The following ANK2 variants were observed in gnomAD, a reference collection of about 807,000 sequenced individuals.
ANK2 encodes ankyrin 2.
In ANK2, 83 loss-of-function variants were observed where a neutral mutation model predicts 360.5. The ratio of observed to expected loss-of-function variants is 0.23; its 90% CI spans 0.19 to 0.28. The LOEUF is 0.28. Among genes scored for constraint, ANK2 ranks in the 10% least tolerant of loss-of-function variants. The pLI is 1.00. For missense variants in ANK2, 4,201 were observed against 4,795.7 expected, an observed-to-expected ratio of 0.88 and a Z score of 3.66; for synonymous variants, 1,740 against 1,759.5, an observed-to-expected ratio of 0.99 and a Z score of 0.28.
At chr4:113,025,783 T>C (rs1325799341) in intron 2 of ANK2, among the ~76,000 whole-genome samples, 1 of 152,102 alleles carries the variant, frequency 6.6e-6, no homozygotes, top group African/African-American at 2.4e-5. Flanking sequence ...AGATCAGAAA[T>C]TGTTTTGTGA....
chr4:113,001,043 A>G (rs576101137), intron 2 of ANK2, among the ~76,000 whole-genome samples: 1 of 152,294 alleles, frequency 6.6e-6, no homozygotes, highest in African/African-American at 2.4e-5. Context: ...TTCCTTAAAA[A>G]ATAATGTGAG....
chr4:113,357,089 G>A lies in ANK2; in HGVS notation c.8471G>A (p.Gly2824Glu). 1 of 1,614,060 alleles carries A rather than the reference G, an allele frequency of 6.2e-7. No individual in the cohort carries two copies. The change falls in exon 38 of 46, where the codon GGA becomes GAA. Residue 2824 changes from glycine (G) to glutamate (E), a missense_variant. Physicochemically the swap from Gly to Glu is moderately conservative, Grantham distance 98. Around this residue, in one of 4 missense-constraint regions of ANK2, gnomAD observed 2,642 missense variants for 2,714.5 expected, o/e 0.97. Transcript: ENST00000357077. ...GGCACTCATGAAAAAGACACAGAGG[G>A]AGAAGAGCTTGATGTTTCTAGAGCA... ...LQGTHEKDTE[G>E]EELDVSRAES...
chr4:112,750,075 T>A, the ANK2 span, among the ~76,000 whole-genome samples: 1 of 152,052 alleles, frequency 6.6e-6, no homozygotes, highest in African/African-American at 2.4e-5. Flanking sequence ...ACACATTTTC[T>A]TTCATACTTT....
intron 2 of ANK2, among the ~76,000 whole-genome samples, chr4:112,987,779 A>G (rs1428067454): frequency 6.6e-6 from 1 of 152,100 alleles, no homozygotes; most frequent in Non-Finnish European, 1.5e-5. Context: ...ATACTAATAT[A>G]TGTATTAGTT....
At chr4:113,271,028 C>T (rs187611347) in intron 14 of ANK2, among the ~76,000 whole-genome samples, 11 of 152,240 alleles carry the variant, frequency 7.2e-5, no homozygotes, top group African/African-American at 2.4e-4. Flanking sequence ...GGTGGCTTAG[C>T]GTCCTGAAAT....
At chr4:112,794,610 A>G in the ANK2 span, among the ~76,000 whole-genome samples, 1 of 152,214 alleles carries the variant, frequency 6.6e-6, no homozygotes, top group African/African-American at 2.4e-5. Context: ...TTTCATCTAT[A>G]TGAGTTTGTT....
At chr4:113,274,718 A>G in intron 15 of ANK2, 69 bp downstream of exon 15, 2 of 1,523,328 alleles carry the variant, frequency 1.3e-6, no homozygotes, top group South Asian at 1.1e-5. Flanking sequence ...CTGCTCTACC[A>G]CATACAGAAT....
chr4:113,281,658 C>T (rs1039495120), intron 17 of ANK2, among the ~76,000 whole-genome samples: 1 of 152,106 alleles, frequency 6.6e-6, no homozygotes, highest in African/African-American at 2.4e-5. Flanking sequence ...TTCTATCACA[C>T]ATTTTGAATG....
the ANK2 span, among the ~76,000 whole-genome samples, chr4:112,716,521 C>T: frequency 7.2e-5 from 11 of 152,100 alleles, no homozygotes; most frequent in African/African-American, 1.4e-4. Flanking sequence ...TTGTTTATAT[C>T]GTAAGCCTTC....
intron 1 of ANK2, among the ~76,000 whole-genome samples, chr4:113,097,881 C>CATATATAT (rs1170365369): frequency 1.7e-4 from 19 of 114,736 alleles, no homozygotes; most frequent in Middle Eastern, 4.1e-3. Context: ...TATATGCACA[C>CATATATAT]ACACACACAC....
intron 43 of ANK2, among the ~76,000 whole-genome samples, chr4:113,371,662 G>C (rs1407198495): frequency 6.6e-6 from 1 of 152,082 alleles, no homozygotes; most frequent in African/African-American, 2.4e-5. Flanking sequence ...CCTAACTTGG[G>C]CATCCAATTT....
chr4:113,300,558 A>G (rs2074414472), intron 22 of ANK2, among the ~76,000 whole-genome samples: 1 of 152,220 alleles, frequency 6.6e-6, no homozygotes, highest in African/African-American at 2.4e-5. Flanking sequence ...ATGACACAGC[A>G]CACACGATGC....
the ANK2 span, among the ~76,000 whole-genome samples, chr4:112,759,326 G>C: frequency 6.6e-6 from 1 of 152,038 alleles, no homozygotes; most frequent in South Asian, 2.1e-4. Context: ...TTTATTTTTT[G>C]TAGAGAGAAG....
chr4:112,715,247 G>T, the ANK2 span, among the ~76,000 whole-genome samples: 1 of 152,086 alleles, frequency 6.6e-6, no homozygotes, highest in Non-Finnish European at 1.5e-5. Context: ...AATTGCGGCA[G>T]AAGTAAAAGG....
chr4:112,894,912 T>C (rs1464362996), intron 1 of ANK2, among the ~76,000 whole-genome samples: 1 of 152,232 alleles, frequency 6.6e-6, no homozygotes, highest in East Asian at 1.9e-4. Flanking sequence ...ATTTCTTTTT[T>C]TCCCCCACAG....
intron 2 of ANK2, among the ~76,000 whole-genome samples, chr4:112,992,029 C>G (rs1397921477): frequency 6.6e-6 from 1 of 152,026 alleles, no homozygotes; most frequent in African/African-American, 2.4e-5. Context: ...TCCAACTTGC[C>G]CTCGTCTTTT....
chr4:113,005,534 C>T (rs1003161989), intron 2 of ANK2, among the ~76,000 whole-genome samples: 1 of 152,056 alleles, frequency 6.6e-6, no homozygotes, highest in Non-Finnish European at 1.5e-5. Flanking sequence ...CTAAAACAGT[C>T]GCTCTCATGG....
intron 17 of ANK2, 29 bp from the exon 18 acceptor site, chr4:113,282,646 T>A: frequency 6.5e-7 from 1 of 1,545,766 alleles, no homozygotes; most frequent in Non-Finnish European, 8.9e-7. Flanking sequence ...TTACTCTATA[T>A]GCATGTGTTT....
intron 1 of ANK2, among the ~76,000 whole-genome samples, chr4:113,170,297 C>T (rs2097899020): frequency 6.6e-6 from 1 of 152,172 alleles, no homozygotes; most frequent in Admixed American, 6.5e-5. Context: ...AGCATCTGAG[C>T]ATATGTTAAT....
Sources: gnomAD v4.1 joint callset for allele counts (sites outside exome capture counted in the v4.1 genomes callset) on GRCh38, gnomAD v4.1.1 for gene constraint, gnomAD v4.1.1 regional missense constraint, MANE v1.5 for transcripts, NCBI Gene and HGNC (gene_info 2026-07-23, HGNC 2026-07-21) for gene names.